Variants in PLCL2 observed in about 807,000 individuals in gnomAD.
The protein encoded by PLCL2 is phospholipase C like 2, also known as inactive phospholipase C-like protein 2.
In PLCL2, 4 loss-of-function variants were observed where a neutral mutation model predicts 79.6. The observed-to-expected ratio is 0.05, with a 90% CI of 0.02 to 0.11. The LOEUF is 0.11. Ranked by LOEUF, PLCL2 falls within the 10% of genes least tolerant of loss-of-function variation. PLCL2 has a pLI of 1.00. For missense variants in PLCL2, 895 were observed against 1,291.0 expected, an observed-to-expected ratio of 0.69 and a Z score of 4.70; for synonymous variants, 484 against 457.7, an observed-to-expected ratio of 1.06 and a Z score of -0.73.
intron 1 of PLCL2, among the ~76,000 whole-genome samples, chr3:16,967,036 G>C (rs1016436417): frequency 1.3e-5 from 2 of 152,008 alleles, no homozygotes; most frequent in Admixed American, 6.6e-5. Context: ...TGGTTTTCCT[G>C]CATTAGTTTG....
At chr3:16,899,743 G>A (rs1384575686) in intron 1 of PLCL2, among the ~76,000 whole-genome samples, 2 of 151,790 alleles carry the variant, frequency 1.3e-5, no homozygotes, top group Non-Finnish European at 2.9e-5. Context: ...TTCAGTTTTT[G>A]CTATTTTGCT....
intron 5 of PLCL2, among the ~76,000 whole-genome samples, chr3:17,075,808 G>A (rs1247281499): frequency 6.6e-6 from 1 of 152,164 alleles, no homozygotes; most frequent in Non-Finnish European, 1.5e-5. Flanking sequence ...ATTTCATGTA[G>A]CATTGTGCTT....
chr3:17,041,467 T>A (rs1370534332), intron 3 of PLCL2, among the ~76,000 whole-genome samples: 1 of 152,198 alleles, frequency 6.6e-6, no homozygotes, highest in Non-Finnish European at 1.5e-5. Flanking sequence ...TGCAAGTTGA[T>A]AAATACTATC....
At chr3:17,055,638 T>C (rs2064884498) in intron 4 of PLCL2, among the ~76,000 whole-genome samples, 1 of 152,216 alleles carries the variant, frequency 6.6e-6, no homozygotes, top group African/African-American at 2.4e-5. Flanking sequence ...CCCCTGGGAA[T>C]GCTTGTTGAA....
intron 2 of PLCL2, among the ~76,000 whole-genome samples, chr3:17,013,736 C>G (rs1420777615): frequency 6.6e-6 from 1 of 152,250 alleles, no homozygotes; most frequent in Non-Finnish European, 1.5e-5. Flanking sequence ...CATGCCCGGC[C>G]TAGACCAGGA....
chr3:16,978,532 C>T (rs1030717679), intron 1 of PLCL2, among the ~76,000 whole-genome samples: 1 of 152,222 alleles, frequency 6.6e-6, no homozygotes, highest in East Asian at 1.9e-4. Context: ...AAGGGGTGGA[C>T]TGAAGCCTGC....
intron 1 of PLCL2, among the ~76,000 whole-genome samples, chr3:16,937,421 C>G (rs1159913960): frequency 6.6e-6 from 1 of 152,152 alleles, no homozygotes; most frequent in Non-Finnish European, 1.5e-5. Flanking sequence ...CAGTTGAGTT[C>G]AGGCAAAGGG....
At chr3:16,889,867 T>C (rs530158864) in intron 1 of PLCL2, among the ~76,000 whole-genome samples, 1 of 152,094 alleles carries the variant, frequency 6.6e-6, no homozygotes, top group African/African-American at 2.4e-5. Context: ...CGTTTGACTT[T>C]AGACATTTTT....
chr3:16,914,361 A>G (rs1696946254), intron 1 of PLCL2, among the ~76,000 whole-genome samples: 1 of 152,236 alleles, frequency 6.6e-6, no homozygotes, highest in Admixed American at 6.5e-5. Context: ...TCTAAGAGAA[A>G]GATCATAAGA....
At chr3:16,944,518 C>T (rs2063582806) in intron 1 of PLCL2, among the ~76,000 whole-genome samples, 1 of 152,008 alleles carries the variant, frequency 6.6e-6, no homozygotes, top group South Asian at 2.1e-4. Context: ...TAAATGAGGT[C>T]ATTGGGATGG....
intron 5 of PLCL2, among the ~76,000 whole-genome samples, chr3:17,076,123 G>C (rs1412512524): frequency 6.6e-6 from 1 of 152,096 alleles, no homozygotes; most frequent in African/African-American, 2.4e-5. Flanking sequence ...GTTCCATTTT[G>C]CCTTTCCCCA....
intron 3 of PLCL2, among the ~76,000 whole-genome samples, chr3:17,032,588 G>T (rs978460888): frequency 1.3e-5 from 2 of 151,588 alleles, no homozygotes; most frequent in Middle Eastern, 3.2e-3. Context: ...CCTAACAAAT[G>T]TGTATTACTA....
intron 3 of PLCL2, among the ~76,000 whole-genome samples, chr3:17,033,731 CA>C (rs1325404574): frequency 6.6e-6 from 1 of 152,230 alleles, no homozygotes; most frequent in Non-Finnish European, 1.5e-5. Context: ...CAGTGACTCA[CA>C]AGCTGCAACT....
chr3:17,008,484 C>T (rs887883879), intron 1 of PLCL2, among the ~76,000 whole-genome samples: 1 of 152,016 alleles, frequency 6.6e-6, no homozygotes, highest in Non-Finnish European at 1.5e-5. Flanking sequence ...AGTGTACATC[C>T]TCCGTCACAT....
At chr3:17,047,220 G>A (rs1377667409) in intron 4 of PLCL2, among the ~76,000 whole-genome samples, 1 of 152,192 alleles carries the variant, frequency 6.6e-6, no homozygotes, top group Non-Finnish European at 1.5e-5. Flanking sequence ...GCTGCCACAG[G>A]AACTGAGGAT....
At chr3:16,930,321 G>A (rs967796207) in intron 1 of PLCL2, among the ~76,000 whole-genome samples, 2 of 152,160 alleles carry the variant, frequency 1.3e-5, no homozygotes, top group African/African-American at 2.4e-5. Flanking sequence ...AGCGTTCCAA[G>A]TTCATAAATA....
intron 5 of PLCL2, among the ~76,000 whole-genome samples, chr3:17,082,416 G>C (rs953913799): frequency 2.6e-5 from 4 of 152,034 alleles, no homozygotes; most frequent in Non-Finnish European, 5.9e-5. Flanking sequence ...ACAGGCATGA[G>C]CCACCGCGCC....
At chr3:17,043,404 T>C (rs1479829911) in intron 4 of PLCL2, among the ~76,000 whole-genome samples, 1 of 152,174 alleles carries the variant, frequency 6.6e-6, no homozygotes, top group African/African-American at 2.4e-5. Flanking sequence ...ACACTGGCAT[T>C]TTCGCGTGCT....
intron 3 of PLCL2, among the ~76,000 whole-genome samples, chr3:17,020,305 T>G (rs1386861900): frequency 6.6e-6 from 1 of 152,204 alleles, no homozygotes; most frequent in Non-Finnish European, 1.5e-5. Flanking sequence ...TTGTTAATTT[T>G]GCTGCAGTTT....
Sources: allele counts gnomAD v4.1 joint callset (sites outside exome capture counted in the v4.1 genomes callset), GRCh38; gene constraint gnomAD v4.1.1; transcripts MANE v1.5; gene names NCBI Gene and HGNC (gene_info 2026-07-23, HGNC 2026-07-21).